CRYGB: variants seen among roughly 807,000 people sequenced by gnomAD.
The protein encoded by CRYGB is crystallin gamma B.
Under a neutral mutation model 21.3 loss-of-function variants are expected in CRYGB, and 19 were observed. The ratio of observed to expected loss-of-function variants is 0.89; its 90% confidence interval spans 0.62 to 1.31. The LOEUF is 1.31. Ranked by LOEUF, CRYGB falls within the 50% of genes most tolerant of loss-of-function variation. The probability of loss-of-function intolerance (pLI) is 0.00; values close to 1 mark genes in which losing one functional copy is unlikely to be tolerated. For synonymous variants in CRYGB, 81 were observed against 81.2 expected (o/e 1.00, Z 0.01); for missense variants, 254 against 228.4 (o/e 1.11, Z -0.72).
chr2:208,144,636 A>C (rs566088909), intron 2 of CRYGB, among the ~76,000 whole-genome samples: 274 of 148,146 alleles, frequency 1.8e-3, no homozygotes, highest in Middle Eastern at 3.5e-3. Context: ...TGTCACCCAG[A>C]CTGGAGTGCA....
At position 208,142,749 on chromosome 2, in the gene CRYGB, G is replaced by T; in HGVS notation, c.417C>A (p.Asn139Lys). Residue 139 changes from asparagine to lysine, a missense_variant, in exon 3 of 3, where the codon AAC (asparagine) becomes AAA (lysine). Transcript: ENST00000260988. ...TCAGCAGATACTGCCTCCCCCTGTA[G>T]TTGGGCATCTCATAGAGGATCCAGC... ...EGSWILYEMPNYRGRQYLLRP... is the reference protein window; with the variant it reads ...EGSWILYEMPKYRGRQYLLRP... 6.2e-7 allele frequency: 1 copy of T among 1,614,146 alleles called. No homozygotes were observed. The highest frequency in any genetic ancestry group is 8.5e-7 in the Non-Finnish European group (1 of 1,180,024).
chr2:208,145,875 A>G lies in CRYGB; in HGVS notation c.151T>C (p.Tyr51His). The change falls in exon 2 of 3, where the codon TAC becomes CAC. Residue 51 changes from tyrosine (Y) to histidine (H), a missense_variant. Physicochemically the swap from Tyr to His is moderately conservative, Grantham distance 83. Transcript: ENST00000260988. Reference protein sequence around the residue: ...GCWMIYERPNYQGHQYFLRRG... With the variant: ...GCWMIYERPNHQGHQYFLRRG... ...CGCAGGAAGTACTGGTGGCCCTGGT[A>G]GTTGGGGCGCTCATAGATCATCCAG... 6.2e-7 allele frequency: 1 copy of G among 1,614,010 alleles called. No individual in the cohort carries two copies. The highest frequency in any genetic ancestry group is 8.5e-7 in the Non-Finnish European group (1 of 1,179,998).
intron 2 of CRYGB, among the ~76,000 whole-genome samples, chr2:208,144,994 G>T (rs1695430541): frequency 6.6e-6 from 1 of 152,090 alleles, no homozygotes; most frequent in Non-Finnish European, 1.5e-5. Flanking sequence ...CTGTTTTTAT[G>T]ACACTGTATC....
At position 208,145,224 on chromosome 2, in the gene CRYGB, T is replaced by TTTGTTGTTGTTG. The variant is rs71036980; in HGVS notation, c.252+538_252+549dup. Among the ~76,000 whole-genome samples the TTTGTTGTTGTTG allele has an allele frequency of 4.0e-5, 6 of 149,900 alleles. No individual in the cohort carries two copies. The East Asian group carries it at 6.1e-4, about 15-fold the overall frequency. On this transcript the variant is annotated intron_variant, in intron 2 of 2. Coordinates refer to ENST00000260988, the MANE Select transcript of CRYGB (RefSeq NM_005210.4). ...AAAAGTAAGACAAAGCAAGCAAAAG[T>TTTGTTGTTGTTG]TTGTTGTTGTTGTTGTTGTTGTTGT...
At chr2:208,144,597 T>C (rs556984733) in intron 2 of CRYGB, among the ~76,000 whole-genome samples, 12 of 151,240 alleles carry the variant, frequency 7.9e-5, no homozygotes, top group East Asian at 1.9e-4. Flanking sequence ...CTTTTCTTTT[T>C]TTTTTTTTTT....
Position 208,145,251 on chromosome 2 carries a change from A to G in CRYGB, c.252+523T>C, listed in dbSNP as rs3138647. ...TGTTGTTGTTGTTGTTGTTGTTGTT[A>G]TTGTCGTTTTGAGATGGAGTCTCAC... On this transcript the variant is annotated intron_variant, in intron 2 of 2. Transcript: ENST00000260988. 3.8e-3 allele frequency among the ~76,000 whole-genome samples: 569 copies of G among 150,620 alleles called. 4 individuals carry two copies. Among genetic ancestry groups the G allele is most frequent in the African/African-American group, 0.013 (529 of 40,818 alleles).
At chr2:208,145,429 C>G (rs1463823804) in intron 2 of CRYGB, among the ~76,000 whole-genome samples, 4 of 152,116 alleles carry the variant, frequency 2.6e-5, no homozygotes, top group African/African-American at 9.6e-5. Flanking sequence ...TGGTTCACAC[C>G]TGTAATCCCA....
chr2:208,145,932 G>A lies in CRYGB; in HGVS notation c.94C>T (p.Arg32Cys), dbSNP rs545870578. ...CTCTCCACCCTGATGGAGTTGCAGC[G>A]GCTGAAATAGGGTTGTAGGTTGGGG... is the stretch of plus-strand genomic sequence containing the variant. ...DCPNLQPYFS[R>C]CNSIRVESGC... Residue 32 changes from arginine to cysteine, a missense_variant, in exon 2 of 3, where the codon CGC becomes TGC. Arg to Cys is a radical substitution (Grantham distance 180). Transcript: ENST00000260988. The A allele has an allele frequency of 1.9e-5, 31 of 1,614,132 alleles. No individual in the cohort carries two copies. Among genetic ancestry groups the A allele is most frequent in the African/African-American group, 1.1e-4 (8 of 75,022 alleles).
Position 208,142,738 on chromosome 2 carries a change from C to T in CRYGB, c.428G>A (p.Arg143Lys), listed in dbSNP as rs144172331. Residue 143 changes from arginine (R) to lysine (K), a missense_variant, in exon 3 of 3, where the codon AGG becomes AAG. Coordinates refer to ENST00000260988, the MANE Select transcript of CRYGB (RefSeq NM_005210.4). Reference protein sequence around the residue: ...ILYEMPNYRGRQYLLRPGEYR... With the variant: ...ILYEMPNYRGKQYLLRPGEYR... The stretch of plus-strand genomic sequence containing the variant: ...CTCCCCCGGCCTCAGCAGATACTGC[C>T]TCCCCCTGTAGTTGGGCATCTCATA... 53 of 1,614,176 alleles carry T rather than the reference C, an allele frequency of 3.3e-5. No individual in the cohort carries two copies. The African/African-American group carries it at 6.5e-4, about 20-fold the overall frequency.
chr2:208,143,694 G>T (rs1000752205), intron 2 of CRYGB, among the ~76,000 whole-genome samples: 6 of 152,118 alleles, frequency 3.9e-5, no homozygotes, highest in Non-Finnish European at 5.9e-5. Context: ...GTAGAGACGG[G>T]CTTTGACTAT....
chr2:208,144,971 C>T (rs1225409788), intron 2 of CRYGB, among the ~76,000 whole-genome samples: 1 of 152,154 alleles, frequency 6.6e-6, no homozygotes, highest in Non-Finnish European at 1.5e-5. Flanking sequence ...GCAAGTATCA[C>T]CTTCATTAAC....
In CRYGB at chr2:208,142,922, G is replaced by C; in HGVS notation, c.253-9C>G. On this transcript the variant is annotated splice_polypyrimidine_tract_variant and intron_variant, in intron 2 of 2. Coordinates refer to ENST00000260988, the MANE Select transcript of CRYGB (RefSeq NM_005210.4). ...CTGTAAGCGCCAGAGTGCTGGAGTG[G>C]CAGACAGAAAACGCAAGAGTAAACA... 2 of 1,580,572 alleles carry C rather than the reference G, an allele frequency of 1.3e-6. No individual in the cohort carries two copies. Among genetic ancestry groups the C allele is most frequent in the South Asian group, 2.3e-5 (2 of 86,098 alleles).
intron 2 of CRYGB, among the ~76,000 whole-genome samples, chr2:208,144,148 G>A (rs1436067205): frequency 6.6e-6 from 1 of 150,986 alleles, no homozygotes; most frequent in African/African-American, 2.4e-5. Flanking sequence ...AGCCTCCCAA[G>A]TAGCTGGGAT....
chr2:208,143,404 C>T (rs1695393515), intron 2 of CRYGB, among the ~76,000 whole-genome samples: 1 of 152,112 alleles, frequency 6.6e-6, no homozygotes, highest in Non-Finnish European at 1.5e-5. Context: ...GCTTCCTCTC[C>T]CCTATTGTTT....
At position 208,142,597 on chromosome 2, in the gene CRYGB, T is replaced by G. The variant is rs368780683; in HGVS notation, c.*41A>C. ...GTGCCAGAAACACAAGCTAAATATT[T>G]TATTAGATTTTAAAGGAGAAAAGTG... On this transcript the variant is annotated 3_prime_UTR_variant, in exon 3 of 3. Coordinates refer to ENST00000260988, the MANE Select transcript of CRYGB (RefSeq NM_005210.4). The G allele has an allele frequency of 2.4e-5, 35 of 1,448,064 alleles. 1 individual carries two copies. The African/African-American group carries it at 4.4e-4, about 18-fold the overall frequency. The allele number at this position is 1,448,064 out of a possible 1,614,324, so 89.7% of individuals were successfully genotyped here.
At chr2:208,145,664 G>A in intron 2 of CRYGB, 110 bp downstream of exon 2, 1 of 1,463,498 alleles carries the variant, frequency 6.8e-7, no homozygotes, top group Non-Finnish European at 9.0e-7. Context: ...ACTCCACCCT[G>A]GGGGACAGAG....
At chr2:208,144,778 A>G (rs528135120) in intron 2 of CRYGB, among the ~76,000 whole-genome samples, 49 of 151,786 alleles carry the variant, frequency 3.2e-4, no homozygotes, top group African/African-American at 1.2e-3. Flanking sequence ...TTTAGTAGAG[A>G]GGGGGTTTCA....
intron 2 of CRYGB, among the ~76,000 whole-genome samples, chr2:208,144,544 C>G (rs1266928101): frequency 1.3e-5 from 2 of 151,962 alleles, no homozygotes; most frequent in African/African-American, 4.8e-5. Context: ...GCTGGAACTA[C>G]AGGCATGCAC....
rs935586345 is a variant in CRYGB at position 208,142,615 on chromosome 2, G to A, written c.*23C>T. 6.9e-7 allele frequency: 1 copy of A among 1,449,782 alleles called. No individual in the cohort carries two copies. 89.8% of individuals were successfully genotyped at this position (1,449,782 alleles called of 1,614,324 possible). A position where few individuals can be genotyped will look rare whatever the true frequency, so the allele number is the denominator to read the frequency against. ...AAATATTTTATTAGATTTTAAAGGAGAAAAGTGGAAAACGTAAATACTTCA... is the reference window on the plus strand; with the variant it reads ...AAATATTTTATTAGATTTTAAAGGAAAAAAGTGGAAAACGTAAATACTTCA... On this transcript the variant is annotated 3_prime_UTR_variant, in exon 3 of 3. Coordinates refer to ENST00000260988, the MANE Select transcript of CRYGB (RefSeq NM_005210.4).
Sources: allele counts gnomAD v4.1 joint callset (sites outside exome capture counted in the v4.1 genomes callset), GRCh38; gene constraint gnomAD v4.1.1; transcripts MANE v1.5; gene names NCBI Gene and HGNC (gene_info 2026-07-23, HGNC 2026-07-21).